INTS6: variants seen among roughly 807,000 people sequenced by gnomAD.
INTS6 encodes the protein DEAD box protein.
A neutral mutation model predicts 104.9 loss-of-function variants in INTS6; 16 were observed. The ratio of observed to expected loss-of-function variants is 0.15; its 90% CI spans 0.10 to 0.23. INTS6 has a LOEUF of 0.23. Among genes scored for constraint, INTS6 ranks in the 10% least tolerant of loss-of-function variants. INTS6 has a pLI of 1.00. For synonymous variants in INTS6, 324 were observed against 358.7 expected (o/e 0.90, Z 1.09); for missense variants, 584 against 1,062.8 (o/e 0.55, Z 6.26).
intron 4 of INTS6, among the ~76,000 whole-genome samples, chr13:51,427,692 C>T (rs140974826): frequency 3.9e-5 from 6 of 152,156 alleles, no homozygotes; most frequent in Non-Finnish European, 7.4e-5. Context: ...ACAAATGAAC[C>T]TTCCACCTCA....
At chr13:51,349,004 G>A in the INTS6 span, among the ~76,000 whole-genome samples, 1,326 of 152,290 alleles carry the variant, frequency 8.7e-3, 21 homozygotes, top group African/African-American at 0.03. Flanking sequence ...AAGTGAAGTG[G>A]TGGCATTCTA....
the INTS6 span, among the ~76,000 whole-genome samples, chr13:51,338,268 C>G: frequency 6.6e-6 from 1 of 152,182 alleles, no homozygotes; most frequent in East Asian, 1.9e-4. Context: ...GCAGTCCTCA[C>G]AAGTTACTGC....
intron 3 of INTS6, chr13:51,436,672 T>C (rs544205230): frequency 6.6e-6 from 1 of 152,086 alleles, no homozygotes; most frequent in Non-Finnish European, 1.5e-5. Flanking sequence ...TAAAAAAAAA[T>C]AATAATAACA....
chr13:51,351,219 C>A (rs1955399586), downstream of INTS6, among the ~76,000 whole-genome samples: 2 of 152,130 alleles, frequency 1.3e-5, no homozygotes, highest in African/African-American at 4.8e-5. Flanking sequence ...TTTTGAAGAA[C>A]TATCAAACTG....
intron 13 of INTS6, among the ~76,000 whole-genome samples, 164 bp downstream of exon 13, chr13:51,375,884 G>A (rs1295710878): frequency 6.6e-6 from 1 of 152,066 alleles, no homozygotes; most frequent in Non-Finnish European, 1.5e-5. Context: ...AGGAAGAAAG[G>A]TACAGAATCA....
rs551592724 is a variant in INTS6 at position 51,383,696 on chromosome 13, A to G, written c.940T>C (p.Cys314Arg). 56 of 1,613,960 alleles carry G rather than the reference A, an allele frequency of 3.5e-5. No individual in the cohort carries two copies. In the East Asian group the frequency reaches 7.8e-4, roughly 23 times the overall value. ...AGTTTATCAATAACCATTGGTTCAC[A>G]GTCTGTACAGGAAAACTTCACTACA... is the stretch of plus-strand genomic sequence containing the variant. ...HPVVKFSCTD[C>R]EPMVIDKLPF... Residue 314 changes from cysteine to arginine, a missense_variant, in exon 8 of 18, where the codon TGT (cysteine) becomes CGT (arginine). By Grantham distance (180) the Cys-to-Arg change is radical. Transcript: ENST00000311234.
intron 2 of INTS6, chr13:51,451,532 T>TA (rs1953045712): frequency 6.3e-6 from 1 of 158,874 alleles, no homozygotes; most frequent in Non-Finnish European, 1.4e-5. Context: ...AGGACGAATC[T>TA]GACAAGACCA....
chr13:51,381,359 AC>A, intron 10 of INTS6, among the ~76,000 whole-genome samples: 1 of 152,332 alleles, frequency 6.6e-6, no homozygotes, highest in Middle Eastern at 3.4e-3. Context: ...TCATCCCCTC[AC>A]ATATTAGCTA....
chr13:51,374,275 T>C lies in INTS6; in HGVS notation c.2037A>G (p.Gly679=). 6.2e-7 allele frequency: 1 copy of C among 1,614,116 alleles called. No individual in the cohort carries two copies. The highest frequency in any genetic ancestry group is 1.3e-5 in the African/African-American group (1 of 75,054). Residue 679 remains glycine, a synonymous_variant, in exon 15 of 18, where the codon GGA becomes GGG. Transcript: ENST00000311234. ...QNPVVNNHIG[G]KGPPAPTTQA... Reference sequence around the variant, plus strand: ...GAGTTGTAGGTGCAGGTGGTCCTTTTCCCCCAATATGATTGTTTACAACAG... The same window carrying C: ...GAGTTGTAGGTGCAGGTGGTCCTTTCCCCCCAATATGATTGTTTACAACAG...
At chr13:51,379,338 A>T (rs2137905501) in intron 11 of INTS6, 124 bp downstream of exon 11, 1 of 442,384 alleles carries the variant, frequency 2.3e-6, no homozygotes, top group South Asian at 6.6e-5. Flanking sequence ...ATGGCTCTAA[A>T]ATGTAATATA....
At chr13:51,342,962 T>C in the INTS6 span, among the ~76,000 whole-genome samples, 1 of 152,210 alleles carries the variant, frequency 6.6e-6, no homozygotes, top group Non-Finnish European at 1.5e-5. Flanking sequence ...GCAGCTTCGG[T>C]AGTGAACATA....
chr13:51,345,881 G>T, the INTS6 span, among the ~76,000 whole-genome samples: 1 of 152,188 alleles, frequency 6.6e-6, no homozygotes, highest in East Asian at 1.9e-4. Flanking sequence ...TGGCTCAGTT[G>T]CTCAGAGCAC....
intron 3 of INTS6, chr13:51,449,407 G>C: frequency 1.1e-6 from 1 of 937,880 alleles, no homozygotes; most frequent in East Asian, 1.2e-4. Context: ...ATATCAACTG[G>C]GAAAAGGAAA....
intron 4 of INTS6, among the ~76,000 whole-genome samples, chr13:51,422,049 T>A (rs988700713): frequency 1.3e-5 from 2 of 152,186 alleles, no homozygotes; most frequent in African/African-American, 2.4e-5. Context: ...CTCATTTCAA[T>A]TTTTAAATAC....
intron 15 of INTS6, among the ~76,000 whole-genome samples, chr13:51,369,546 C>A (rs1273655610): frequency 1.3e-5 from 2 of 152,042 alleles, no homozygotes; most frequent in Non-Finnish European, 2.9e-5. Context: ...AAAAATAAAG[C>A]CAATTTCAAG....
rs752122591 is a variant in INTS6 at position 51,362,045 on chromosome 13, T to C, written c.*3707A>G. The C allele has an allele frequency of 6.3e-7, 1 of 1,582,974 alleles. No homozygotes were observed. The highest frequency in any genetic ancestry group is 8.5e-7 in the Non-Finnish European group (1 of 1,170,960). On this transcript the variant is annotated 3_prime_UTR_variant, in exon 18 of 18. Coordinates refer to ENST00000311234, the MANE Select transcript of INTS6 (RefSeq NM_012141.3). ...GCTACCCAGTTGCTATCTTCTATCC[T>C]AAGAAAGGGGACTATTTCGTAAGTA...
chr13:51,396,993 T>A (rs148105589), intron 4 of INTS6, among the ~76,000 whole-genome samples: 1,569 of 152,304 alleles, frequency 0.01, 26 homozygotes, highest in African/African-American at 0.035. Context: ...ACAAATTTTT[T>A]AAAAATAAAA....
At chr13:51,404,365 G>GT (rs1162166669) in intron 4 of INTS6, among the ~76,000 whole-genome samples, 2 of 151,096 alleles carry the variant, frequency 1.3e-5, no homozygotes, top group Admixed American at 6.6e-5. Context: ...CCATGCTAAT[G>GT]TAAGTCACGA....
intron 3 of INTS6, among the ~76,000 whole-genome samples, chr13:51,431,959 C>T (rs1957099536): frequency 1.3e-5 from 2 of 151,994 alleles, no homozygotes; most frequent in African/African-American, 4.8e-5. Context: ...ATACCATTCA[C>T]CCCCAAAATA....
Sources: gnomAD v4.1 joint callset for allele counts (sites outside exome capture counted in the v4.1 genomes callset) on GRCh38, gnomAD v4.1.1 for gene constraint, MANE v1.5 for transcripts, NCBI Gene and HGNC (gene_info 2026-07-23, HGNC 2026-07-21) for gene names.